LINGO2: variants seen among roughly 807,000 people sequenced by gnomAD.
The protein encoded by LINGO2 is leucine-rich repeat and immunoglobulin-like domain-containing nogo receptor-interacting protein 2.
A neutral mutation model predicts 30.6 loss-of-function variants in LINGO2; 14 were observed. That is an observed-to-expected ratio of 0.46 (90% CI 0.30 to 0.72). The LOEUF (loss-of-function observed/expected upper bound fraction) is 0.72. LINGO2 is among the 30% of genes least tolerant of loss of function. LINGO2 has a pLI of 0.07. For missense variants in LINGO2, 729 were observed against 751.7 expected (o/e 0.97, Z 0.35); for synonymous variants, 317 against 288.5 (o/e 1.10, Z -1.00).
chr9:28,054,872 C>A (rs1032809014), intron 4 of LINGO2, among the ~76,000 whole-genome samples: 3 of 151,980 alleles, frequency 2.0e-5, no homozygotes, highest in Non-Finnish European at 2.9e-5. Flanking sequence ...AGAAATGGAG[C>A]CTTTTCAAAT....
chr9:28,849,198 C>CA, the LINGO2 span, among the ~76,000 whole-genome samples: 1 of 151,950 alleles, frequency 6.6e-6, no homozygotes, highest in Admixed American at 6.6e-5. Context: ...TTACACACAA[C>CA]AAAACATCTC....
At chr9:28,491,075 T>C (rs1298365091) in intron 1 of LINGO2, among the ~76,000 whole-genome samples, 1 of 152,240 alleles carries the variant, frequency 6.6e-6, no homozygotes, top group Non-Finnish European at 1.5e-5. Flanking sequence ...GGGAGTATTG[T>C]AGTGTGTATG....
At chr9:28,600,391 T>C (rs1825410143) in intron 1 of LINGO2, among the ~76,000 whole-genome samples, 1 of 152,160 alleles carries the variant, frequency 6.6e-6, no homozygotes, top group Non-Finnish European at 1.5e-5. Context: ...TATATGTTTA[T>C]ATCAATGAAT....
At chr9:29,078,798 T>C in the LINGO2 span, among the ~76,000 whole-genome samples, 1 of 151,954 alleles carries the variant, frequency 6.6e-6, no homozygotes, top group African/African-American at 2.4e-5. Flanking sequence ...GAGCAATTTG[T>C]CCCATTATCT....
the LINGO2 span, among the ~76,000 whole-genome samples, chr9:29,092,172 T>G: frequency 6.6e-6 from 1 of 151,996 alleles, no homozygotes; most frequent in African/African-American, 2.4e-5. Context: ...ATATTTTAAT[T>G]ATACAGATGA....
intron 1 of LINGO2, among the ~76,000 whole-genome samples, chr9:28,554,021 C>G (rs1822482474): frequency 6.6e-6 from 1 of 152,102 alleles, no homozygotes; most frequent in African/African-American, 2.4e-5. Flanking sequence ...AAAGGAACAA[C>G]TGGTACCAGC....
intron 3 of LINGO2, among the ~76,000 whole-genome samples, chr9:28,339,755 T>C (rs1825706764): frequency 6.6e-6 from 1 of 152,196 alleles, no homozygotes; most frequent in African/African-American, 2.4e-5. Flanking sequence ...ATTTACTGTT[T>C]CCAGGCAATG....
the LINGO2 span, among the ~76,000 whole-genome samples, chr9:29,091,147 T>C: frequency 2.5e-4 from 38 of 152,160 alleles, 1 homozygote; most frequent in South Asian, 3.9e-3. Context: ...CAATTGAAAA[T>C]TGCAGTTCCA....
chr9:29,206,566 CT>C, the LINGO2 span, among the ~76,000 whole-genome samples: 4 of 152,284 alleles, frequency 2.6e-5, no homozygotes, highest in African/African-American at 9.6e-5. Flanking sequence ...TTTCCTCCCC[CT>C]GCATGAATCT....
At chr9:28,770,726 G>T in the LINGO2 span, among the ~76,000 whole-genome samples, 1 of 152,100 alleles carries the variant, frequency 6.6e-6, no homozygotes, top group Non-Finnish European at 1.5e-5. Context: ...AAACACACAG[G>T]TTAATATATG....
At position 28,280,698 on chromosome 9, in the gene LINGO2, C is replaced by G. The variant is rs533033772; in HGVS notation, c.-87+14510G>C. ...TGCATTTCAGACAGGTCCTGTTGATCCAGTAGTAAGTACTCATGGTACTGT... is the reference window on the plus strand; with the variant it reads ...TGCATTTCAGACAGGTCCTGTTGATGCAGTAGTAAGTACTCATGGTACTGT... On this transcript the variant is annotated intron_variant, in intron 4 of 5. Transcript: ENST00000379992. 7.9e-5 allele frequency among the ~76,000 whole-genome samples: 12 copies of G among 152,160 alleles called. No individual in the cohort carries two copies. The East Asian group carries it at 1.9e-3, about 25-fold the overall frequency.
intron 1 of LINGO2, among the ~76,000 whole-genome samples, chr9:28,580,571 C>A (rs2135648197): frequency 6.6e-6 from 1 of 151,982 alleles, no homozygotes; most frequent in Non-Finnish European, 1.5e-5. Context: ...AAAATCACTT[C>A]TACTGTGGGG....
chr9:29,067,539 CA>C, the LINGO2 span, among the ~76,000 whole-genome samples: 1 of 151,282 alleles, frequency 6.6e-6, no homozygotes, highest in Non-Finnish European at 1.5e-5. Context: ...CAAGTTTTGA[CA>C]AAAACACGGC....
At chr9:27,968,403 A>C (rs572275645) in intron 5 of LINGO2, among the ~76,000 whole-genome samples, 88 of 152,188 alleles carry the variant, frequency 5.8e-4, no homozygotes, top group Non-Finnish European at 8.7e-4. Context: ...AGAGATATTT[A>C]ATAATTTGGA....
At chr9:28,656,408 A>G (rs1292975600) in intron 1 of LINGO2, among the ~76,000 whole-genome samples, 1 of 152,142 alleles carries the variant, frequency 6.6e-6, no homozygotes. Context: ...AATGATTAAA[A>G]TTAATCGCCC....
At chr9:29,080,108 G>A in the LINGO2 span, among the ~76,000 whole-genome samples, 22 of 152,100 alleles carry the variant, frequency 1.4e-4, no homozygotes, top group African/African-American at 5.3e-4. Flanking sequence ...ATTAATTATT[G>A]CCTCAATTTC....
chr9:28,896,162 A>G, the LINGO2 span, among the ~76,000 whole-genome samples: 6,248 of 152,266 alleles, frequency 0.041, 195 homozygotes, highest in Admixed American at 0.082. Flanking sequence ...GAAAGCAAAA[A>G]GAAGCAAACA....
chr9:28,657,139 G>C (rs1446019448), intron 1 of LINGO2, among the ~76,000 whole-genome samples: 1 of 151,942 alleles, frequency 6.6e-6, no homozygotes, highest in Non-Finnish European at 1.5e-5. Flanking sequence ...TGAGATAAGT[G>C]TTTTGTTTTG....
chr9:29,166,486 G>A, the LINGO2 span, among the ~76,000 whole-genome samples: 305 of 152,188 alleles, frequency 2.0e-3, 1 homozygote, highest in Non-Finnish European at 3.1e-3. Flanking sequence ...ATAGGCATTT[G>A]AGTTTATGAC....
Sources: allele counts gnomAD v4.1 joint callset (sites outside exome capture counted in the v4.1 genomes callset), GRCh38; gene constraint gnomAD v4.1.1; transcripts MANE v1.5; gene names NCBI Gene and HGNC (gene_info 2026-07-23, HGNC 2026-07-21).